GABBR2: variants seen among roughly 807,000 people sequenced by gnomAD.
GABBR2 encodes gamma-aminobutyric acid type B receptor subunit 2.
In GABBR2, 23 loss-of-function variants were observed where a neutral mutation model predicts 105.6. The observed-to-expected ratio is 0.22, with a 90% CI of 0.16 to 0.31. GABBR2 has a LOEUF of 0.31. GABBR2 is among the 10% of genes least tolerant of loss of function. The pLI is 1.00. For synonymous variants in GABBR2, 478 were observed against 499.7 expected, an observed-to-expected ratio of 0.96 and a Z score of 0.58; for missense variants, 734 against 1,245.5, an observed-to-expected ratio of 0.59 and a Z score of 6.18.
At chr9:98,510,259 T>G (rs1827609180) in intron 3 of GABBR2, among the ~76,000 whole-genome samples, 1 of 151,950 alleles carries the variant, frequency 6.6e-6, no homozygotes, top group Non-Finnish European at 1.5e-5. Flanking sequence ...CTAAAAGAGC[T>G]CCTGAAGGAA....
At chr9:98,415,770 G>T (rs1476395766) in intron 7 of GABBR2, among the ~76,000 whole-genome samples, 1 of 152,166 alleles carries the variant, frequency 6.6e-6, no homozygotes, top group Non-Finnish European at 1.5e-5. Flanking sequence ...GAGAGGTCAG[G>T]ACTTTGCCTA....
At chr9:98,325,521 A>G (rs1830907544) in intron 13 of GABBR2, among the ~76,000 whole-genome samples, 1 of 151,582 alleles carries the variant, frequency 6.6e-6, no homozygotes. Flanking sequence ...TGAACTCCTG[A>G]CCTCAGGTGA....
chr9:98,565,013 A>G (rs1828731116), intron 2 of GABBR2, among the ~76,000 whole-genome samples: 2 of 152,160 alleles, frequency 1.3e-5, no homozygotes, highest in Admixed American at 1.3e-4. Context: ...TGAGAACAAC[A>G]TGGGCAACAG....
chr9:98,626,838 T>C (rs781666108), intron 1 of GABBR2, among the ~76,000 whole-genome samples: 52 of 152,188 alleles, frequency 3.4e-4, no homozygotes, highest in Middle Eastern at 3.2e-3. Flanking sequence ...CAACGAGCAC[T>C]AATTTCTGCC....
At chr9:98,367,853 G>A (rs544745798) in intron 12 of GABBR2, among the ~76,000 whole-genome samples, 66 of 152,192 alleles carry the variant, frequency 4.3e-4, no homozygotes, top group African/African-American at 1.4e-3. Context: ...TGTGACAGGC[G>A]TAGTTCAAAA....
At chr9:98,510,405 A>G (rs1827614977) in intron 3 of GABBR2, among the ~76,000 whole-genome samples, 1 of 152,216 alleles carries the variant, frequency 6.6e-6, no homozygotes, top group Non-Finnish European at 1.5e-5. Context: ...GAGAGGATCA[A>G]ATTCACACAT....
chr9:98,514,359 C>G (rs1827714909), intron 3 of GABBR2, among the ~76,000 whole-genome samples: 1 of 127,694 alleles, frequency 7.8e-6, no homozygotes, highest in South Asian at 2.5e-4. Context: ...ACATATGTAA[C>G]TAACCTGCAC....
At chr9:98,295,841 A>G (rs1388862407) in intron 17 of GABBR2, among the ~76,000 whole-genome samples, 3 of 152,218 alleles carry the variant, frequency 2.0e-5, no homozygotes, top group African/African-American at 7.2e-5. Flanking sequence ...GATGTCTTTA[A>G]AGAGAAACAT....
At chr9:98,606,483 CT>C (rs11452013) in intron 1 of GABBR2, among the ~76,000 whole-genome samples, 67 of 130,502 alleles carry the variant, frequency 5.1e-4, no homozygotes, top group Middle Eastern at 3.9e-3. Flanking sequence ...TTTTTTTTTT[CT>C]TTTTTTTTTT....
intron 1 of GABBR2, among the ~76,000 whole-genome samples, chr9:98,654,041 G>C (rs1258101349): frequency 6.6e-6 from 1 of 152,296 alleles, no homozygotes; most frequent in African/African-American, 2.4e-5. Context: ...TTACATTCTG[G>C]TTTTCAGGCT....
Position 98,324,087 on chromosome 9 carries a change from C to A in GABBR2, c.1894-12882G>T, listed in dbSNP as rs75945229. Among the ~76,000 whole-genome samples the A allele has an allele frequency of 1.0e-3, 153 of 152,294 alleles. 1 individual carries two copies. Among genetic ancestry groups the A allele is most frequent in the African/African-American group, 3.6e-3 (151 of 41,550 alleles). On this transcript the variant is annotated intron_variant, in intron 13 of 18. Transcript: ENST00000259455. ...GGGCTGGAACTTACCCAAGCTCACA[C>A]ATCAAGAATTCAGGGCAACTGAACC...
At chr9:98,446,934 A>G (rs1826139657) in intron 7 of GABBR2, among the ~76,000 whole-genome samples, 1 of 152,168 alleles carries the variant, frequency 6.6e-6, no homozygotes, top group African/African-American at 2.4e-5. Flanking sequence ...TAGAGTCACA[A>G]CTGGAAGAAT....
chr9:98,581,778 C>G (rs915364930), intron 1 of GABBR2, among the ~76,000 whole-genome samples: 2 of 151,860 alleles, frequency 1.3e-5, no homozygotes, highest in Admixed American at 1.3e-4. Context: ...CTAATGACAA[C>G]GATACTACAG....
At chr9:98,492,348 G>T (rs1359168856) in intron 4 of GABBR2, among the ~76,000 whole-genome samples, 3 of 1,038 alleles carry the variant, frequency 2.9e-3, no homozygotes, top group East Asian at 0.013. Flanking sequence ...TTGTTTCCTA[G>T]TAAAAAAAAA....
At chr9:98,347,113 T>A (rs559307862) in intron 13 of GABBR2, among the ~76,000 whole-genome samples, 8 of 152,236 alleles carry the variant, frequency 5.3e-5, no homozygotes, top group Non-Finnish European at 7.3e-5. Context: ...GATTGCTGAA[T>A]CATATGGTAG....
intron 8 of GABBR2, among the ~76,000 whole-genome samples, chr9:98,402,031 G>A (rs1361152162): frequency 1.3e-5 from 2 of 152,166 alleles, no homozygotes. Flanking sequence ...TGACAATTAT[G>A]TCGTTAGAGT....
chr9:98,377,640 A>T (rs1334558682), intron 11 of GABBR2, among the ~76,000 whole-genome samples: 1 of 152,222 alleles, frequency 6.6e-6, no homozygotes, highest in East Asian at 1.9e-4. Flanking sequence ...TTGTGGGAAC[A>T]AGAGTGCTGA....
intron 13 of GABBR2, among the ~76,000 whole-genome samples, chr9:98,353,688 C>T (rs1308579522): frequency 1.3e-5 from 2 of 152,192 alleles, no homozygotes; most frequent in Non-Finnish European, 2.9e-5. Context: ...CATCAGAGCT[C>T]TTGGGTAATC....
chr9:98,700,026 A>G (rs188010259), intron 1 of GABBR2, among the ~76,000 whole-genome samples: 1 of 152,344 alleles, frequency 6.6e-6, no homozygotes, highest in African/African-American at 2.4e-5. Context: ...AGGATGACCA[A>G]CCAGGTGCCT....
Sources: gnomAD v4.1 joint callset for allele counts (sites outside exome capture counted in the v4.1 genomes callset) on GRCh38, gnomAD v4.1.1 for gene constraint, MANE v1.5 for transcripts, NCBI Gene and HGNC (gene_info 2026-07-23, HGNC 2026-07-21) for gene names.